The following CNBD1 variants were observed in gnomAD, a reference collection of about 807,000 sequenced individuals.
CNBD1 encodes the protein cyclic nucleotide-binding domain-containing protein 1.
In CNBD1, 71 loss-of-function variants were observed where a neutral mutation model predicts 54.4. That is an observed-to-expected ratio of 1.30 (90% confidence interval 1.08 to 1.59). The LOEUF (loss-of-function observed/expected upper bound fraction) is 1.59, where lower values mean the gene tolerates loss of function less well. Ranked by LOEUF, CNBD1 falls within the 40% of genes most tolerant of loss-of-function variation. CNBD1 has a pLI of 0.00. For missense variants in CNBD1, 659 were observed against 518.0 expected (o/e 1.27, Z -2.64); for synonymous variants, 182 against 170.7 (o/e 1.07, Z -0.51).
chr8:86,997,695 C>G (rs1199112138), intron 4 of CNBD1, among the ~76,000 whole-genome samples: 1 of 152,116 alleles, frequency 6.6e-6, no homozygotes, highest in Non-Finnish European at 1.5e-5. Flanking sequence ...CTGATATGAC[C>G]TTTATTGCAG....
chr8:87,203,185 A>C (rs551266723), intron 4 of CNBD1, among the ~76,000 whole-genome samples: 1 of 152,230 alleles, frequency 6.6e-6, no homozygotes, highest in Non-Finnish European at 1.5e-5. Flanking sequence ...ATCTACAGAA[A>C]GAATATCAGA....
At chr8:87,353,102 A>G (rs1810340865) in intron 9 of CNBD1, among the ~76,000 whole-genome samples, 1 of 152,182 alleles carries the variant, frequency 6.6e-6, no homozygotes, top group Non-Finnish European at 1.5e-5. Context: ...CTCTTATTTG[A>G]ACCAAAATTA....
chr8:86,896,184 C>T (rs901152570), intron 2 of CNBD1, among the ~76,000 whole-genome samples: 16 of 151,898 alleles, frequency 1.1e-4, no homozygotes, highest in Middle Eastern at 3.2e-3. Context: ...AGGAAAACAA[C>T]GTTGGAGGCA....
intron 4 of CNBD1, among the ~76,000 whole-genome samples, chr8:86,959,564 C>G (rs1319927208): frequency 6.6e-6 from 1 of 152,156 alleles, no homozygotes; most frequent in African/African-American, 2.4e-5. Context: ...ATTCTCTTTT[C>G]TCTAAAGTTC....
At chr8:87,066,286 A>G (rs1039014327) in intron 4 of CNBD1, among the ~76,000 whole-genome samples, 1 of 152,000 alleles carries the variant, frequency 6.6e-6, no homozygotes, top group Non-Finnish European at 1.5e-5. Flanking sequence ...AGAAGGTTCT[A>G]TGTAATCAGA....
At chr8:87,217,632 A>G (rs1284456753) in intron 5 of CNBD1, among the ~76,000 whole-genome samples, 3 of 151,734 alleles carry the variant, frequency 2.0e-5, no homozygotes, top group Non-Finnish European at 2.9e-5. Flanking sequence ...TGAAGTTAAA[A>G]TAACTTTTTC....
intron 7 of CNBD1, among the ~76,000 whole-genome samples, chr8:87,285,325 C>T (rs1200640892): frequency 2.6e-5 from 4 of 152,136 alleles, no homozygotes; most frequent in Admixed American, 6.6e-5. Context: ...CCTAATTCTG[C>T]GTTTTTAAGA....
rs1156463377 is a variant in CNBD1 at position 87,255,398 on chromosome 8, A to G, written c.771+18286A>G. ...TAGCCTGATAAAATGATACCTGTGC[A>G]AGAAAGTAGAGCTAAGGTGTAAAAA... On this transcript the variant is annotated intron_variant, in intron 6 of 10. Coordinates refer to ENST00000518476, the MANE Select transcript of CNBD1 (RefSeq NM_173538.3). Among the ~76,000 whole-genome samples, 5 of 152,150 alleles carry G rather than the reference A, an allele frequency of 3.3e-5. No individual in the cohort carries two copies. The East Asian group carries it at 9.6e-4, about 29-fold the overall frequency.
intron 10 of CNBD1, among the ~76,000 whole-genome samples, chr8:87,361,076 A>T (rs746891387): frequency 2.0e-5 from 3 of 151,970 alleles, no homozygotes; most frequent in Non-Finnish European, 4.4e-5. Context: ...ACAGTTTGCC[A>T]CAGGGAATAC....
At chr8:87,128,368 C>T (rs931949759) in intron 4 of CNBD1, among the ~76,000 whole-genome samples, 12 of 152,152 alleles carry the variant, frequency 7.9e-5, no homozygotes, top group Non-Finnish European at 1.6e-4. Flanking sequence ...GGGGCACACA[C>T]CTTAGCTCCG....
intron 4 of CNBD1, among the ~76,000 whole-genome samples, chr8:87,174,249 C>T (rs867626313): frequency 3.3e-5 from 5 of 152,054 alleles, no homozygotes; most frequent in African/African-American, 7.2e-5. Flanking sequence ...TGAGCCACCA[C>T]GCCTGGCCTC....
At chr8:87,031,556 C>T (rs1809791548) in intron 4 of CNBD1, among the ~76,000 whole-genome samples, 1 of 152,162 alleles carries the variant, frequency 6.6e-6, no homozygotes, top group African/African-American at 2.4e-5. Context: ...CATCCATTCC[C>T]ATTGCTTTAA....
At position 87,303,185 on chromosome 8, in the gene CNBD1, C is replaced by A. The variant is rs1176937583; in HGVS notation, c.1042+16514C>A. Among the ~76,000 whole-genome samples, 10 of 151,654 alleles carry A rather than the reference C, an allele frequency of 6.6e-5. No homozygotes were observed. The East Asian group carries it at 1.9e-3, about 29-fold the overall frequency. On this transcript the variant is annotated intron_variant, in intron 8 of 10. Transcript: ENST00000518476. ...AAAGAGCCTGCATTGCCAAGTCAATCCTAAGCCAAAAGAACAAAGCTGGAG... is the reference window on the plus strand; with the variant it reads ...AAAGAGCCTGCATTGCCAAGTCAATACTAAGCCAAAAGAACAAAGCTGGAG...
intron 4 of CNBD1, among the ~76,000 whole-genome samples, chr8:86,984,229 A>T (rs1808554147): frequency 6.6e-6 from 1 of 152,188 alleles, no homozygotes; most frequent in Admixed American, 6.5e-5. Flanking sequence ...GAGTGCACAG[A>T]AGTCAAGACC....
At chr8:87,385,341 G>A (rs557299460), downstream of CNBD1, among the ~76,000 whole-genome samples, 3 of 151,738 alleles carry the variant, frequency 2.0e-5, no homozygotes, top group South Asian at 4.1e-4. Context: ...CCCGGGAAGG[G>A]CAGAGTCAGG....
At chr8:87,354,022 G>A (rs906489627) in intron 10 of CNBD1, 1 of 318,332 alleles carries the variant, frequency 3.1e-6, no homozygotes. Context: ...ATAGAAAGAG[G>A]TGAGGACTTG....
At chr8:87,418,511 G>A (rs1299691400) in intron 2 of CNBD1, among the ~76,000 whole-genome samples, 1 of 151,624 alleles carries the variant, frequency 6.6e-6, no homozygotes, top group Admixed American at 6.6e-5. Context: ...TAGATAAACT[G>A]GACTTTATAC....
chr8:87,325,605 A>C (rs924661231), intron 8 of CNBD1, among the ~76,000 whole-genome samples: 1 of 135,088 alleles, frequency 7.4e-6, no homozygotes, highest in Non-Finnish European at 1.6e-5. Context: ...AGTCTGTTTT[A>C]TCAGAGACTA....
chr8:87,188,130 T>G (rs1813518553), intron 4 of CNBD1, among the ~76,000 whole-genome samples: 1 of 152,160 alleles, frequency 6.6e-6, no homozygotes, highest in African/African-American at 2.4e-5. Flanking sequence ...CACTGATATA[T>G]CCTCTCTTTC....
Sources: gnomAD v4.1 joint callset for allele counts (sites outside exome capture counted in the v4.1 genomes callset) on GRCh38, gnomAD v4.1.1 for gene constraint, MANE v1.5 for transcripts, NCBI Gene and HGNC (gene_info 2026-07-23, HGNC 2026-07-21) for gene names.